VRK2: variants seen among roughly 807,000 people sequenced by gnomAD.
VRK2 encodes the protein VRK serine/threonine kinase 2.
Under a neutral mutation model 57.6 loss-of-function variants are expected in VRK2, and 60 were observed. The observed-to-expected ratio is 1.04, with a 90% CI of 0.85 to 1.29. The LOEUF (loss-of-function observed/expected upper bound fraction) is 1.29, where lower values mean the gene tolerates loss of function less well. Among genes scored for constraint, VRK2 ranks in the 50% most tolerant of loss-of-function variants. The pLI, the probability that VRK2 is intolerant of heterozygous loss-of-function variation, is 0.00. For missense variants in VRK2, 705 were observed against 588.1 expected, an observed-to-expected ratio of 1.20 and a Z score of -2.06; for synonymous variants, 231 against 199.2, an observed-to-expected ratio of 1.16 and a Z score of -1.35.
rs372541549 is a variant in VRK2, at chr2:57,917,505, T to C, written c.-439+9666T>C. On this transcript the variant is annotated intron_variant, in intron 1 of 15. Coordinates refer to the VRK2 transcript ENST00000417641. ...TCATTATGCATGTGAGAGCAGTTTA[T>C]TGTATATGTGTATTTTATTATCTAA... Among the ~76,000 whole-genome samples, 52 of 150,346 alleles carry C rather than the reference T, an allele frequency of 3.5e-4. 1 individual carries two copies. The South Asian group carries it at 0.01, about 30-fold the overall frequency.
At chr2:58,126,150 A>G (rs1026582496) in intron 8 of VRK2, among the ~76,000 whole-genome samples, 2 of 152,044 alleles carry the variant, frequency 1.3e-5, no homozygotes, top group African/African-American at 4.8e-5. Flanking sequence ...AAAAGCAAAA[A>G]AAAAAAAGTC....
intron 1 of VRK2, among the ~76,000 whole-genome samples, chr2:57,988,801 C>CA (rs1672676046): frequency 6.6e-6 from 1 of 152,176 alleles, no homozygotes; most frequent in Non-Finnish European, 1.5e-5. Context: ...CCCTGGTGTA[C>CA]AAACAGCATA....
intron 7 of VRK2, among the ~76,000 whole-genome samples, chr2:58,098,661 A>C (rs960236000): frequency 1.2e-4 from 18 of 152,152 alleles, no homozygotes; most frequent in Middle Eastern, 3.4e-3. Context: ...AGAAGGCTGT[A>C]CTATCAGGGG....
chr2:57,928,451 G>A (rs1045736821), intron 1 of VRK2, among the ~76,000 whole-genome samples: 1 of 151,846 alleles, frequency 6.6e-6, no homozygotes, highest in South Asian at 2.1e-4. Flanking sequence ...GTGTTATCTT[G>A]AATTTAATTG....
chr2:58,001,681 G>A (rs1185824549), intron 1 of VRK2, among the ~76,000 whole-genome samples: 1 of 152,006 alleles, frequency 6.6e-6, no homozygotes, highest in African/African-American at 2.4e-5. Context: ...AATTAGCCAG[G>A]CGTGGTGTCG....
intron 1 of VRK2, among the ~76,000 whole-genome samples, chr2:57,930,643 C>A (rs919038318): frequency 2.6e-5 from 4 of 152,044 alleles, no homozygotes; most frequent in African/African-American, 9.7e-5. Flanking sequence ...CTTCCAAGCC[C>A]AATATATTAA....
At chr2:57,995,042 T>C (rs528568066) in intron 1 of VRK2, among the ~76,000 whole-genome samples, 32 of 152,342 alleles carry the variant, frequency 2.1e-4, no homozygotes, top group African/African-American at 7.5e-4. Context: ...AGTATTTTAA[T>C]AGTCTTTTCA....
chr2:58,134,210 C>G (rs949603630), intron 9 of VRK2, among the ~76,000 whole-genome samples: 2 of 152,138 alleles, frequency 1.3e-5, no homozygotes, highest in Non-Finnish European at 2.9e-5. Flanking sequence ...CCCCTGTACC[C>G]CAAGCAAGGC....
intron 2 of VRK2, among the ~76,000 whole-genome samples, chr2:58,057,247 T>G (rs181329867): frequency 6.6e-6 from 1 of 152,164 alleles, no homozygotes; most frequent in South Asian, 2.1e-4. Flanking sequence ...ACAAAAAAAT[T>G]CCATGCTCTA....
At chr2:58,138,592 C>G (rs990360223) in intron 10 of VRK2, among the ~76,000 whole-genome samples, 2 of 151,992 alleles carry the variant, frequency 1.3e-5, no homozygotes, top group African/African-American at 4.8e-5. Flanking sequence ...GGAGTGAAAC[C>G]CAGTGCCTCT....
intron 1 of VRK2, among the ~76,000 whole-genome samples, chr2:57,964,366 T>C (rs1437892393): frequency 6.6e-6 from 1 of 152,048 alleles, no homozygotes; most frequent in Non-Finnish European, 1.5e-5. Context: ...GTCTTCATCC[T>C]CATCATCTTC....
rs577517175 is a variant in VRK2, at chr2:58,144,072, A to G, written c.1024-2244A>G. Among the ~76,000 whole-genome samples the G allele has an allele frequency of 1.1e-3, 166 of 151,996 alleles. 2 individuals carry two copies. The highest frequency in any genetic ancestry group is 3.7e-3 in the African/African-American group (153 of 41,474). On this transcript the variant is annotated intron_variant, in intron 11 of 12. Transcript: ENST00000340157. ...ACAATGGAATATTATTCAGCCATAA[A>G]AAGGAAATCCTGACATTTGCAACAT... is the stretch of plus-strand genomic sequence containing the variant.
At chr2:58,038,007 T>A (rs1674329141) in intron 3 of VRK2, among the ~76,000 whole-genome samples, 1 of 152,114 alleles carries the variant, frequency 6.6e-6, no homozygotes, top group Admixed American at 6.6e-5. Context: ...TACATGCCAA[T>A]ATAGGAATTA....
intron 1 of VRK2, among the ~76,000 whole-genome samples, chr2:57,925,329 G>T (rs934923173): frequency 6.6e-6 from 1 of 151,970 alleles, no homozygotes; most frequent in Non-Finnish European, 1.5e-5. Flanking sequence ...GCTGCCATTG[G>T]GTTGTAGGCT....
intron 8 of VRK2, among the ~76,000 whole-genome samples, chr2:58,128,299 A>C (rs1678660885): frequency 6.6e-6 from 1 of 152,154 alleles, no homozygotes; most frequent in Admixed American, 6.5e-5. Flanking sequence ...ATGTTGTTTG[A>C]ATGGTATTAA....
chr2:57,974,337 A>G (rs1383181943), intron 1 of VRK2, among the ~76,000 whole-genome samples: 1 of 151,936 alleles, frequency 6.6e-6, no homozygotes, highest in Non-Finnish European at 1.5e-5. Flanking sequence ...CAAAAGTCCA[A>G]CAGATTAAAA....
chr2:57,912,100 T>C (rs1670002696), intron 1 of VRK2, among the ~76,000 whole-genome samples: 1 of 152,242 alleles, frequency 6.6e-6, no homozygotes, highest in Non-Finnish European at 1.5e-5. Context: ...TAATGCCTAG[T>C]ATTAACTGAT....
intron 1 of VRK2, among the ~76,000 whole-genome samples, chr2:57,968,934 A>C (rs1253201960): frequency 2.6e-5 from 4 of 152,176 alleles, no homozygotes; most frequent in Non-Finnish European, 5.9e-5. Flanking sequence ...TTATGATTAT[A>C]TTAATCTCTC....
chr2:58,056,511 C>G (rs1676541344), intron 2 of VRK2, among the ~76,000 whole-genome samples: 1 of 152,154 alleles, frequency 6.6e-6, no homozygotes, highest in African/African-American at 2.4e-5. Context: ...CATGAGCCAA[C>G]AAAGGCAATG....
Sources: gnomAD v4.1 joint callset for allele counts (sites outside exome capture counted in the v4.1 genomes callset) on GRCh38, gnomAD v4.1.1 for gene constraint, MANE v1.5 for transcripts, NCBI Gene and HGNC (gene_info 2026-07-23, HGNC 2026-07-21) for gene names.